Variants in UBE2E1 observed in about 807,000 individuals in gnomAD.
UBE2E1 encodes the protein ubiquitin-conjugating enzyme E2 E1.
Under a neutral mutation model 21.4 loss-of-function variants are expected in UBE2E1, and 6 were observed. That is an observed-to-expected ratio of 0.28 (90% CI 0.15 to 0.55). The LOEUF is 0.55. Among genes scored for constraint, UBE2E1 ranks in the 20% least tolerant of loss-of-function variants. UBE2E1 has a pLI of 0.93. For synonymous variants in UBE2E1, 87 were observed against 82.7 expected, an observed-to-expected ratio of 1.05 and a Z score of -0.28; for missense variants, 142 against 236.5, an observed-to-expected ratio of 0.60 and a Z score of 2.62.
At position 23,808,135 on chromosome 3, in the gene UBE2E1, C is replaced by A. The variant is rs1699316430; in HGVS notation, c.152+714C>A. On this transcript the variant is annotated intron_variant, in intron 2 of 5. Coordinates refer to ENST00000306627, the MANE Select transcript of UBE2E1 (RefSeq NM_003341.5). The surrounding 1 kb of genome is among the most constrained non-coding windows in gnomAD (Gnocchi z 4.9). ...AAAATGTTACTTTGCCTTATTTTTT[C>A]AATTTAAGTGGTCTCCCTTTTACTT... 6.6e-6 allele frequency among the ~76,000 whole-genome samples: 1 copy of A among 152,020 alleles called. No homozygotes were observed. The highest frequency in any genetic ancestry group is 1.5e-5 in the Non-Finnish European group (1 of 68,004).
rs996338172 is a variant in UBE2E1 at position 23,884,716 on chromosome 3, C to CAT, written c.204-2850_204-2849dup. Among the ~76,000 whole-genome samples the CAT allele has an allele frequency of 2.2e-4, 33 of 152,150 alleles. 1 individual carries two copies. Among genetic ancestry groups the CAT allele is most frequent in the African/African-American group, 7.7e-4 (32 of 41,428 alleles). On this transcript the variant is annotated intron_variant, in intron 3 of 5. Transcript: ENST00000306627. ...GGTTTCTTAGCACTACCAAGTTGAA[C>CAT]ATGAACAGTACGACTCCTGCCTCTA...
chr3:23,863,604 C>T lies in UBE2E1; in HGVS notation c.204-23963C>T, dbSNP rs931858641. Among the ~76,000 whole-genome samples, 12 of 152,200 alleles carry T rather than the reference C, an allele frequency of 7.9e-5. No homozygotes were observed. Among genetic ancestry groups the T allele is most frequent in the African/African-American group, 2.4e-4 (10 of 41,436 alleles). ...GGAGTGCAGTGGCGCGATCTCAACT[C>T]ACCGCAACCTCCGCCTTCTGGGTTC... On this transcript the variant is annotated intron_variant, in intron 3 of 5. Coordinates refer to ENST00000306627, the MANE Select transcript of UBE2E1 (RefSeq NM_003341.5). This position sits in a 1 kb window ranked among gnomAD's most constrained non-coding sequence, Gnocchi z 4.3.
chr3:23,833,564 C>A (rs1169165372), intron 3 of UBE2E1, among the ~76,000 whole-genome samples: 1 of 152,156 alleles, frequency 6.6e-6, no homozygotes, highest in East Asian at 1.9e-4. Flanking sequence ...GTATTAAATG[C>A]AGATGAACAA....
chr3:23,839,090 A>G (rs1017265948), intron 3 of UBE2E1, among the ~76,000 whole-genome samples: 1 of 152,074 alleles, frequency 6.6e-6, no homozygotes, highest in African/African-American at 2.4e-5. Context: ...TGTTATTGTC[A>G]TATATTTTAT....
At chr3:23,828,352 T>A (rs1270202478) in intron 3 of UBE2E1, among the ~76,000 whole-genome samples, 1 of 152,210 alleles carries the variant, frequency 6.6e-6, no homozygotes, top group Non-Finnish European at 1.5e-5. Flanking sequence ...AAGATCAATT[T>A]CTATATTGTA....
chr3:23,815,156 A>AT (rs1171381887), intron 3 of UBE2E1, among the ~76,000 whole-genome samples: 1 of 151,908 alleles, frequency 6.6e-6, no homozygotes, highest in South Asian at 2.1e-4. Flanking sequence ...AATTTTTTGT[A>AT]TTTTTTTGTA....
At chr3:23,809,177 G>C (rs1310402618) in intron 2 of UBE2E1, among the ~76,000 whole-genome samples, 1 of 152,136 alleles carries the variant, frequency 6.6e-6, no homozygotes, top group Non-Finnish European at 1.5e-5. Context: ...TTTTGTTTTT[G>C]CAATGAATTT....
rs1297876694 is a variant in UBE2E1, at chr3:23,876,848, A to G, written c.204-10719A>G. ...CGCTTGAGCCCAGGAGTTCAAGACC[A>G]GTCTGGGTAACCTAGCAAGACCCTG... On this transcript the variant is annotated intron_variant, in intron 3 of 5. Transcript: ENST00000306627. This position sits in a 1 kb window ranked among gnomAD's most constrained non-coding sequence, Gnocchi z 4.3. Among the ~76,000 whole-genome samples the G allele has an allele frequency of 6.6e-6, 1 of 152,176 alleles. No homozygotes were observed. Among genetic ancestry groups the G allele is most frequent in the Non-Finnish European group, 1.5e-5 (1 of 68,038 alleles).
intron 3 of UBE2E1, among the ~76,000 whole-genome samples, chr3:23,812,666 AATC>A (rs1699425229): frequency 6.6e-6 from 1 of 152,232 alleles, no homozygotes. Flanking sequence ...TGGAACACTT[AATC>A]ATTCTGGGGA....
intron 3 of UBE2E1, among the ~76,000 whole-genome samples, chr3:23,829,977 C>G (rs897959667): frequency 6.6e-6 from 1 of 152,260 alleles, no homozygotes; most frequent in East Asian, 1.9e-4. Flanking sequence ...CCTTCCTCCC[C>G]CTTCCCTCCA....
rs1701460018 is a variant in UBE2E1 at position 23,891,465 on chromosome 3, C to G, written c.*859C>G. On this transcript the variant is annotated 3_prime_UTR_variant, in exon 6 of 6. Transcript: ENST00000306627. ...TACCTATATTAGGATCTGTACTTTA[C>G]ACAGCTGTAGATGAGGTATCCTAGA... 6.6e-6 allele frequency: 1 copy of G among 152,160 alleles called. No homozygotes were observed. The highest frequency in any genetic ancestry group is 6.5e-5 in the Admixed American group (1 of 15,276). 9.4% of individuals were successfully genotyped at this position (152,160 alleles called of 1,614,324 possible). A position where few individuals can be genotyped will look rare whatever the true frequency, so the allele number is the denominator to read the frequency against.
intron 3 of UBE2E1, among the ~76,000 whole-genome samples, chr3:23,837,749 A>G (rs1700001611): frequency 6.6e-6 from 1 of 152,198 alleles, no homozygotes; most frequent in South Asian, 2.1e-4. Flanking sequence ...TGAGTAAGAA[A>G]GTTTTGTTTG....
At position 23,810,505 on chromosome 3, in the gene UBE2E1, T is replaced by TA. The variant is rs1485705888; in HGVS notation, c.153-954dup. 3.9e-6 allele frequency: 6 copies of TA among 1,535,134 alleles called. No individual in the cohort carries two copies. In the South Asian group the frequency reaches 4.8e-5, roughly 12 times the overall value. Reference sequence around the variant, plus strand: ...AGGAAGTGGGCAGACCCCGGGAAGTTAGAGGACGCCCGGGGAAAAGCAGGT... The same window carrying TA: ...AGGAAGTGGGCAGACCCCGGGAAGTTAAGAGGACGCCCGGGGAAAAGCAGGT... On this transcript the variant is annotated intron_variant, in intron 2 of 5. Coordinates refer to ENST00000306627, the MANE Select transcript of UBE2E1 (RefSeq NM_003341.5). This position sits in a 1 kb window ranked among gnomAD's most constrained non-coding sequence, Gnocchi z 5.8.
At position 23,806,291 on chromosome 3, in the gene UBE2E1, C is replaced by T. The variant is rs1699265569; in HGVS notation, c.-34+203C>T. ...CGGGGGATGGGCAGGGACCCCGGGC[C>T]GCGTGGGGTGCGGGGGCCGCCCGCA... On this transcript the variant is annotated intron_variant, in intron 1 of 5. Transcript: ENST00000306627. This position sits in a 1 kb window ranked among gnomAD's most constrained non-coding sequence, Gnocchi z 6.5. Among the ~76,000 whole-genome samples the T allele has an allele frequency of 6.6e-6, 1 of 150,746 alleles. No individual in the cohort carries two copies. The highest frequency in any genetic ancestry group is 2.4e-5 in the African/African-American group (1 of 41,310).
At chr3:23,840,515 C>A (rs964006700) in intron 3 of UBE2E1, among the ~76,000 whole-genome samples, 10 of 152,162 alleles carry the variant, frequency 6.6e-5, no homozygotes, top group Non-Finnish European at 1.5e-4. Flanking sequence ...TTGAGAGTGA[C>A]CAGAACAGCT....
chr3:23,885,577 CT>C (rs1701163003), intron 3 of UBE2E1, among the ~76,000 whole-genome samples: 4 of 152,150 alleles, frequency 2.6e-5, no homozygotes, highest in African/African-American at 7.2e-5. Flanking sequence ...TAAAAAATCT[CT>C]GGCCGGGTGC....
intron 5 of UBE2E1, chr3:23,889,675 ACT>A: frequency 1.0e-6 from 1 of 985,388 alleles, no homozygotes; most frequent in Non-Finnish European, 1.2e-6. Flanking sequence ...CTGAGATGGC[ACT>A]CAATTTTGAA....
At chr3:23,824,967 T>A (rs1699724510) in intron 3 of UBE2E1, among the ~76,000 whole-genome samples, 1 of 152,228 alleles carries the variant, frequency 6.6e-6, no homozygotes, top group African/African-American at 2.4e-5. Flanking sequence ...TATCAATTAT[T>A]ATGGGGCTAA....
chr3:23,876,671 C>T lies in UBE2E1; in HGVS notation c.204-10896C>T, dbSNP rs1316643035. Among the ~76,000 whole-genome samples the T allele has an allele frequency of 6.6e-6, 1 of 151,882 alleles. No individual in the cohort carries two copies. The highest frequency in any genetic ancestry group is 2.4e-5 in the African/African-American group (1 of 41,328). On this transcript the variant is annotated intron_variant, in intron 3 of 5. Coordinates refer to ENST00000306627, the MANE Select transcript of UBE2E1 (RefSeq NM_003341.5). This position sits in a 1 kb window ranked among gnomAD's most constrained non-coding sequence, Gnocchi z 4.3. ...TGTTTTTTGTCTTAATAGAGCTAGG[C>T]ATTACCAGGGTTGATGCATATTTAT...
Sources: allele counts gnomAD v4.1 joint callset (sites outside exome capture counted in the v4.1 genomes callset), GRCh38; gene constraint gnomAD v4.1.1; non-coding constraint Gnocchi (gnomAD v3.1); transcripts MANE v1.5; gene names NCBI Gene and HGNC (gene_info 2026-07-23, HGNC 2026-07-21).